Variants in CTTNBP2NL observed in about 807,000 individuals in gnomAD.
The protein encoded by CTTNBP2NL is CTTNBP2 N-terminal like, also known as CTTNBP2 N-terminal-like protein.
CTTNBP2NL carries 16 observed loss-of-function variants against 32.5 expected under a neutral mutation model. The observed-to-expected ratio is 0.49, with a 90% CI of 0.33 to 0.75. The LOEUF (loss-of-function observed/expected upper bound fraction) is 0.75. Among genes scored for constraint, CTTNBP2NL ranks in the 30% least tolerant of loss-of-function variants. CTTNBP2NL has a pLI of 0.02. For synonymous variants in CTTNBP2NL, 298 were observed against 289.4 expected (o/e 1.03, Z -0.30); for missense variants, 645 against 756.0 (o/e 0.85, Z 1.72).
upstream of CTTNBP2NL, among the ~76,000 whole-genome samples, chr1:112,393,275 A>AT (rs750198187): frequency 3.2e-4 from 49 of 152,160 alleles, no homozygotes; most frequent in Non-Finnish European, 5.9e-4. Flanking sequence ...TAGACTCCAG[A>AT]TTTTTTAACC....
rs760872761 is a variant in CTTNBP2NL at position 112,456,981 on chromosome 1, G to T, written c.1489G>T (p.Ala497Ser). ...LSPTLIDNSA[A>S]KQLARNTVTQ... The stretch of plus-strand genomic sequence containing the variant: ...CCCCACCCTCATAGACAACTCTGCC[G>T]CCAAGCAGCTGGCCCGAAACACAGT... The change falls in exon 6 of 6, where the codon GCC (alanine) becomes TCC (serine). Residue 497 changes from alanine to serine, a missense_variant. Ala to Ser is a moderately conservative substitution (Grantham distance 99). Coordinates refer to ENST00000271277, the MANE Select transcript of CTTNBP2NL (RefSeq NM_018704.3). 1.2e-6 allele frequency: 2 copies of T among 1,613,852 alleles called. No individual in the cohort carries two copies. The highest frequency in any genetic ancestry group is 1.7e-6 in the Non-Finnish European group (2 of 1,180,010).
At chr1:112,396,756 G>A (rs1648343905) in intron 1 of CTTNBP2NL, among the ~76,000 whole-genome samples, 1 of 152,162 alleles carries the variant, frequency 6.6e-6, no homozygotes, top group Non-Finnish European at 1.5e-5. Context: ...AAAAATCAAA[G>A]ACCGACCTAG....
chr1:112,449,958 T>C (rs1650169652), intron 4 of CTTNBP2NL, among the ~76,000 whole-genome samples: 1 of 152,198 alleles, frequency 6.6e-6, no homozygotes, highest in South Asian at 2.1e-4. Context: ...CAACTTGTCA[T>C]CTTGTCATTT....
rs773857942 is a variant in CTTNBP2NL at position 112,456,000 on chromosome 1, G to T, written c.508G>T (p.Glu170Ter). ...GAAGAAGCTCTCTAGTCAGCTGGAA[G>T]AGGAGCGCTCCCGCCACAAGCAGCT... is the stretch of plus-strand genomic sequence containing the variant. ...EQKKLSSQLEEERSRHKQLSS... is the reference protein window; with the variant it reads ...EQKKLSSQLE Residue 170 changes from glutamate (E) to a stop codon, truncating the protein, a stop_gained, in exon 6 of 6, where the codon GAG becomes TAG. Transcript: ENST00000271277. LOFTEE classifies it high-confidence loss of function. 6.2e-7 allele frequency: 1 copy of T among 1,613,942 alleles called. No homozygotes were observed. Among genetic ancestry groups the T allele is most frequent in the Non-Finnish European group, 8.5e-7 (1 of 1,179,974 alleles).
chr1:112,454,346 C>T, intron 4 of CTTNBP2NL, 103 bp from the exon 5 acceptor site: 1 of 776,052 alleles, frequency 1.3e-6, no homozygotes, highest in South Asian at 1.7e-5. Flanking sequence ...TTTGTTTGAT[C>T]TCTGGAACTA....
chr1:112,442,274 C>T (rs776249433), intron 3 of CTTNBP2NL, among the ~76,000 whole-genome samples: 16 of 152,288 alleles, frequency 1.1e-4, no homozygotes, highest in South Asian at 8.3e-4. Context: ...AGGCATGTGC[C>T]GCCATGCCTG....
intron 1 of CTTNBP2NL, among the ~76,000 whole-genome samples, chr1:112,400,157 C>T (rs1194531253): frequency 6.6e-6 from 1 of 152,188 alleles, no homozygotes; most frequent in East Asian, 1.9e-4. Context: ...AATTTAAAGC[C>T]TTTTAGTGAG....
At chr1:112,419,959 A>G (rs1204139994) in intron 3 of CTTNBP2NL, among the ~76,000 whole-genome samples, 1 of 152,178 alleles carries the variant, frequency 6.6e-6, no homozygotes, top group Non-Finnish European at 1.5e-5. Flanking sequence ...ATAAGCTATA[A>G]CTGACAGAAG....
chr1:112,425,434 G>A lies in CTTNBP2NL; in HGVS notation c.99+9170G>A, dbSNP rs138915208. The stretch of plus-strand genomic sequence containing the variant: ...TGCAGTGAGCTGAGATCGCGCCACC[G>A]CACTCCAACCTGGGCAGCAGAGCAA... On this transcript the variant is annotated intron_variant, in intron 3 of 5. Transcript: ENST00000271277. 7.0e-3 allele frequency among the ~76,000 whole-genome samples: 1,073 copies of A among 152,204 alleles called. 10 individuals carry two copies. The highest frequency in any genetic ancestry group is 0.025 in the African/African-American group (1,026 of 41,532).
At chr1:112,419,916 G>A (rs1438026365) in intron 3 of CTTNBP2NL, among the ~76,000 whole-genome samples, 1 of 152,094 alleles carries the variant, frequency 6.6e-6, no homozygotes. Flanking sequence ...GGGTGGTTTC[G>A]ATCATTGATA....
chr1:112,441,059 A>G (rs1349635140), intron 3 of CTTNBP2NL, among the ~76,000 whole-genome samples: 1 of 152,208 alleles, frequency 6.6e-6, no homozygotes, highest in Non-Finnish European at 1.5e-5. Context: ...CTGGAGGTAT[A>G]ATTTGGATAT....
upstream of CTTNBP2NL, among the ~76,000 whole-genome samples, chr1:112,391,990 C>CAATAAATAAATAAATAAATA (rs140750530): frequency 0.021 from 3,162 of 149,130 alleles, 127 homozygotes; most frequent in African/African-American, 0.076. Flanking sequence ...GACCCTGTCT[C>CAATAAATAAATAAATAAATA]AATAAATAAA....
At chr1:112,398,517 G>A (rs1427165424) in intron 1 of CTTNBP2NL, among the ~76,000 whole-genome samples, 1 of 152,148 alleles carries the variant, frequency 6.6e-6, no homozygotes, top group African/African-American at 2.4e-5. Context: ...GAAAGGCAAT[G>A]TACTGATTAG....
intron 4 of CTTNBP2NL, 32 bp downstream of exon 4, chr1:112,449,204 T>G (rs774165100): frequency 1.6e-6 from 2 of 1,284,190 alleles, no homozygotes; most frequent in Non-Finnish European, 2.2e-6. Flanking sequence ...TGTAAATCTT[T>G]GTGAAGTCTT....
chr1:112,428,403 AC>A, intron 3 of CTTNBP2NL, among the ~76,000 whole-genome samples: 1 of 152,170 alleles, frequency 6.6e-6, no homozygotes, highest in Non-Finnish European at 1.5e-5. Flanking sequence ...AATCAGACCT[AC>A]AGTTAAATTC....
intron 3 of CTTNBP2NL, among the ~76,000 whole-genome samples, chr1:112,445,637 G>A (rs781104190): frequency 1.3e-5 from 2 of 152,122 alleles, no homozygotes; most frequent in Non-Finnish European, 2.9e-5. Context: ...AGGCAAAGCC[G>A]TCTGTATTAT....
chr1:112,428,240 TAGTTACTTTTATTTC>T (rs1282414954), intron 3 of CTTNBP2NL, among the ~76,000 whole-genome samples: 2 of 152,188 alleles, frequency 1.3e-5, no homozygotes, highest in Non-Finnish European at 2.9e-5. Context: ...CTTTATATCT[TAGTTACTTTTATTTC>T]AGAAATGTTG....
chr1:112,450,848 C>T (rs1460196062), intron 4 of CTTNBP2NL, among the ~76,000 whole-genome samples: 2 of 148,050 alleles, frequency 1.4e-5, no homozygotes, highest in African/African-American at 5.0e-5. Flanking sequence ...CTCACTGCAA[C>T]CACCACCTCC....
intron 3 of CTTNBP2NL, among the ~76,000 whole-genome samples, chr1:112,418,376 T>G (rs1396482413): frequency 6.6e-6 from 1 of 152,174 alleles, no homozygotes; most frequent in Non-Finnish European, 1.5e-5. Context: ...CCCAGAATCC[T>G]CCTCACTCAC....
Sources: gnomAD v4.1 joint callset for allele counts (sites outside exome capture counted in the v4.1 genomes callset) on GRCh38, gnomAD v4.1.1 for gene constraint, MANE v1.5 for transcripts, NCBI Gene and HGNC (gene_info 2026-07-23, HGNC 2026-07-21) for gene names.